The following IPCEF1 variants were observed in gnomAD, a reference collection of about 807,000 sequenced individuals.
IPCEF1 encodes the protein interaction protein for cytohesin exchange factors 1, also known as interactor protein for cytohesin exchange factors 1.
In IPCEF1, 31 loss-of-function variants were observed where a neutral mutation model predicts 50.9. The ratio of observed to expected loss-of-function variants is 0.61; its 90% CI spans 0.46 to 0.82. The LOEUF (loss-of-function observed/expected upper bound fraction) is 0.82, where lower values mean the gene tolerates loss of function less well. Ranked by LOEUF, IPCEF1 falls within the 40% of genes least tolerant of loss-of-function variation. IPCEF1 has a pLI of 0.00. For synonymous variants in IPCEF1, 181 were observed against 192.0 expected (o/e 0.94, Z 0.47); for missense variants, 458 against 514.0 (o/e 0.89, Z 1.05).
intron 2 of IPCEF1, among the ~76,000 whole-genome samples, chr6:154,266,560 C>CTCTATA (rs1554300201): frequency 7.4e-6 from 1 of 134,834 alleles, no homozygotes; most frequent in East Asian, 2.2e-4. Context: ...CTTAATATTA[C>CTCTATA]TATATATATA....
intron 9 of IPCEF1, among the ~76,000 whole-genome samples, chr6:154,203,045 C>T (rs1302085728): frequency 2.0e-5 from 3 of 152,090 alleles, no homozygotes; most frequent in Non-Finnish European, 4.4e-5. Flanking sequence ...CTTTATAGAC[C>T]GTGTAGTGCT....
chr6:154,284,596 T>C (rs1316853516), intron 2 of IPCEF1, among the ~76,000 whole-genome samples: 1 of 152,156 alleles, frequency 6.6e-6, no homozygotes, highest in African/African-American at 2.4e-5. Context: ...ATTGACATGG[T>C]GGTGTTGCAG....
At chr6:154,346,391 G>A (rs1271607052) in intron 1 of IPCEF1, among the ~76,000 whole-genome samples, 1 of 152,086 alleles carries the variant, frequency 6.6e-6, no homozygotes, top group Non-Finnish European at 1.5e-5. Flanking sequence ...TTTACTATGA[G>A]GTTGAATTCA....
chr6:154,193,587 A>G (rs1012802365), intron 10 of IPCEF1, among the ~76,000 whole-genome samples: 1 of 152,242 alleles, frequency 6.6e-6, no homozygotes, highest in Non-Finnish European at 1.5e-5. Flanking sequence ...AAAAACTTCA[A>G]TAACATCAAA....
intron 2 of IPCEF1, among the ~76,000 whole-genome samples, chr6:154,271,778 G>C (rs4870276): frequency 0.1 from 15,717 of 152,202 alleles, 1,049 homozygotes; most frequent in Middle Eastern, 0.21. Context: ...GAGACCAGGA[G>C]TATGAGACCA....
intron 3 of IPCEF1, among the ~76,000 whole-genome samples, chr6:154,257,548 T>A (rs1205385898): frequency 6.6e-6 from 1 of 152,224 alleles, no homozygotes; most frequent in East Asian, 1.9e-4. Context: ...AATGTCAAAA[T>A]GTGTACCACC....
chr6:154,258,405 A>G (rs763571990), intron 3 of IPCEF1, among the ~76,000 whole-genome samples: 1 of 152,130 alleles, frequency 6.6e-6, no homozygotes. Context: ...GTTTAATTAT[A>G]TGTTCTCCTG....
chr6:154,344,656 T>A (rs1294901510), intron 1 of IPCEF1, among the ~76,000 whole-genome samples: 1 of 152,206 alleles, frequency 6.6e-6, no homozygotes, highest in East Asian at 1.9e-4. Context: ...CCATCACAGA[T>A]GGCGCCAGGG....
At position 154,167,939 on chromosome 6, in the gene IPCEF1, G is replaced by A. The variant is rs1562520218; in HGVS notation, c.1085C>T (p.Thr362Ile). The stretch of plus-strand genomic sequence containing the variant: ...TGTTACCTTTAATGTGCTATTCAAT[G>A]TTCGGATTTTGTGGAGTTTCTCGTT... Reference protein sequence around the residue: ...SINEKLHKIRTLNSTLKCKEH... With the variant: ...SINEKLHKIRILNSTLKCKEH... The change falls in exon 11 of 12, where the codon ACA becomes ATA. Residue 362 changes from threonine to isoleucine, a missense_variant. Thr to Ile is a moderately conservative substitution (Grantham distance 89). Transcript: ENST00000367220. 6.3e-7 allele frequency: 1 copy of A among 1,596,262 alleles called. No homozygotes were observed.
chr6:154,157,877 C>G lies in IPCEF1; in HGVS notation c.*1951G>C, dbSNP rs1187583378. 6.6e-6 allele frequency: 1 copy of G among 152,184 alleles called. No homozygotes were observed. The highest frequency in any genetic ancestry group is 1.5e-5 in the Non-Finnish European group (1 of 68,044). The allele number at this position is 152,184 out of a possible 1,614,324, so 9.4% of individuals were successfully genotyped here. A position where few individuals can be genotyped will look rare whatever the true frequency, so the allele number is the denominator to read the frequency against. On this transcript the variant is annotated 3_prime_UTR_variant, in exon 12 of 12. Coordinates refer to ENST00000367220, the MANE Select transcript of IPCEF1 (RefSeq NM_001130700.2). Reference sequence around the variant, plus strand: ...AGGTTAAAGCACTGCTTTCCTAAACCAGGGCATCAGGGTGCAATCTGAGGA... The same window carrying G: ...AGGTTAAAGCACTGCTTTCCTAAACGAGGGCATCAGGGTGCAATCTGAGGA...
chr6:154,275,808 G>A (rs12528723), intron 2 of IPCEF1, among the ~76,000 whole-genome samples: 2,544 of 152,188 alleles, frequency 0.017, 51 homozygotes, highest in Admixed American at 0.064. Context: ...GATTATAAAA[G>A]CTGTCAGCCG....
chr6:154,213,998 G>A (rs1778179542), intron 8 of IPCEF1, among the ~76,000 whole-genome samples: 1 of 152,224 alleles, frequency 6.6e-6, no homozygotes, highest in African/African-American at 2.4e-5. Flanking sequence ...GAGTGTGGGT[G>A]AAGTGTGAAA....
At chr6:154,228,587 G>C (rs527238345) in intron 5 of IPCEF1, among the ~76,000 whole-genome samples, 1 of 152,126 alleles carries the variant, frequency 6.6e-6, no homozygotes, top group Admixed American at 6.5e-5. Flanking sequence ...GGAGTGTCAC[G>C]TACAGTTGCT....
intron 6 of IPCEF1, chr6:154,222,849 T>C (rs1778973612): frequency 3.0e-6 from 1 of 333,028 alleles, no homozygotes; most frequent in African/African-American, 2.1e-5. Flanking sequence ...TGTTTTTTCT[T>C]TAGTAGAACC....
chr6:154,179,064 A>G (rs1800607671), intron 10 of IPCEF1, among the ~76,000 whole-genome samples: 1 of 152,192 alleles, frequency 6.6e-6, no homozygotes, highest in East Asian at 1.9e-4. Flanking sequence ...GGGACATTAC[A>G]TTGTTTTTAT....
intron 5 of IPCEF1, among the ~76,000 whole-genome samples, chr6:154,233,125 C>G (rs768566051): frequency 2.0e-5 from 3 of 152,026 alleles, no homozygotes; most frequent in Non-Finnish European, 2.9e-5. Flanking sequence ...TGTGCCGCCA[C>G]GCCCAGCTAA....
At chr6:154,181,631 T>C (rs1292735202) in intron 10 of IPCEF1, among the ~76,000 whole-genome samples, 2 of 152,226 alleles carry the variant, frequency 1.3e-5, no homozygotes, top group African/African-American at 4.8e-5. Context: ...AGATCCCTGC[T>C]TGAACTACTG....
At chr6:154,288,681 A>AAC (rs1782433810) in intron 2 of IPCEF1, among the ~76,000 whole-genome samples, 1 of 18,786 alleles carries the variant, frequency 5.3e-5, no homozygotes, top group African/African-American at 4.4e-4. Context: ...AAAAACAAAA[A>AAC]AAAAAAAAAA....
chr6:154,263,230 C>T (rs200029554), intron 3 of IPCEF1, among the ~76,000 whole-genome samples: 1 of 147,928 alleles, frequency 6.8e-6, no homozygotes, highest in Non-Finnish European at 1.5e-5. Context: ...GTAAATGAGT[C>T]TTTTTTTTTT....
Sources: gnomAD v4.1 joint callset for allele counts (sites outside exome capture counted in the v4.1 genomes callset) on GRCh38, gnomAD v4.1.1 for gene constraint, MANE v1.5 for transcripts, NCBI Gene and HGNC (gene_info 2026-07-23, HGNC 2026-07-21) for gene names.